CDH13: variants seen among roughly 807,000 people sequenced by gnomAD.
CDH13 encodes the protein cadherin 13.
A neutral mutation model predicts 63.8 loss-of-function variants in CDH13; 24 were observed. The observed-to-expected ratio is 0.38, with a 90% CI of 0.27 to 0.53. The LOEUF (loss-of-function observed/expected upper bound fraction) is 0.53. Ranked by LOEUF, CDH13 falls within the 20% of genes least tolerant of loss-of-function variation. The pLI, the probability that CDH13 is intolerant of heterozygous loss-of-function variation, is 0.85. For synonymous variants in CDH13, 503 were observed against 355.3 expected (o/e 1.42, Z -4.67); for missense variants, 1,049 against 903.1 (o/e 1.16, Z -2.07).
intron 7 of CDH13, among the ~76,000 whole-genome samples, chr16:83,531,036 G>C (rs1405391927): frequency 6.6e-6 from 1 of 152,170 alleles, no homozygotes; most frequent in Non-Finnish European, 1.5e-5. Flanking sequence ...TCATGGGATA[G>C]TTACGAGCAT....
chr16:82,751,269 C>T (rs753285473), intron 1 of CDH13, among the ~76,000 whole-genome samples: 9 of 152,088 alleles, frequency 5.9e-5, no homozygotes, highest in Non-Finnish European at 7.4e-5. Flanking sequence ...CCCATGCGTG[C>T]GAGTTAATGC....
At chr16:83,113,683 A>C (rs1161597136) in intron 3 of CDH13, among the ~76,000 whole-genome samples, 1 of 152,194 alleles carries the variant, frequency 6.6e-6, no homozygotes, top group Non-Finnish European at 1.5e-5. Flanking sequence ...GGAAGCCTAG[A>C]AGTGGTGCTT....
chr16:83,516,586 G>T (rs963304170), intron 7 of CDH13, among the ~76,000 whole-genome samples: 2 of 152,182 alleles, frequency 1.3e-5, no homozygotes, highest in African/African-American at 2.4e-5. Flanking sequence ...GGATTTTAAT[G>T]TGAGAGCTCC....
intron 2 of CDH13, among the ~76,000 whole-genome samples, chr16:83,013,730 T>G (rs1433872765): frequency 6.6e-6 from 1 of 152,172 alleles, no homozygotes; most frequent in Non-Finnish European, 1.5e-5. Flanking sequence ...ATTTATAAAA[T>G]ATCTGGTGAG....
chr16:82,963,635 G>A (rs1034247315), intron 2 of CDH13, among the ~76,000 whole-genome samples: 2 of 152,152 alleles, frequency 1.3e-5, no homozygotes, highest in Non-Finnish European at 2.9e-5. Context: ...CCATTAGGAA[G>A]TATGCTCCAT....
chr16:83,287,599 C>T (rs2089351184), intron 5 of CDH13, among the ~76,000 whole-genome samples: 2 of 152,158 alleles, frequency 1.3e-5, no homozygotes, highest in Admixed American at 1.3e-4. Context: ...CCCATCACCC[C>T]CGGATGGGTC....
chr16:83,372,760 A>C (rs2091394935), intron 6 of CDH13, among the ~76,000 whole-genome samples: 1 of 151,252 alleles, frequency 6.6e-6, no homozygotes, highest in Non-Finnish European at 1.5e-5. Flanking sequence ...AAAAAAAAAA[A>C]AAAAAAAAAA....
At chr16:82,932,514 A>G (rs2042532309) in intron 2 of CDH13, among the ~76,000 whole-genome samples, 1 of 152,222 alleles carries the variant, frequency 6.6e-6, no homozygotes, top group African/African-American at 2.4e-5. Context: ...TTGCTAAAGA[A>G]CTGGCAGAGC....
intron 6 of CDH13, among the ~76,000 whole-genome samples, chr16:83,371,449 T>G (rs1423110750): frequency 1.3e-5 from 2 of 152,218 alleles, no homozygotes; most frequent in African/African-American, 4.8e-5. Context: ...TTGGCATACT[T>G]ATACTTTCTG....
chr16:83,396,871 C>G (rs997483114), intron 6 of CDH13: 6 of 152,292 alleles, frequency 3.9e-5, no homozygotes, highest in Non-Finnish European at 8.8e-5. Context: ...CATGGTTTCA[C>G]ATTTTTAATT....
chr16:83,080,871 G>GGTTTTTTTTTTTTTTTTTTTTTTT (rs2033183201), intron 3 of CDH13, among the ~76,000 whole-genome samples: 2 of 46,928 alleles, frequency 4.3e-5, no homozygotes, highest in African/African-American at 1.9e-4. Context: ...TTGTTTTTGT[G>GGTTTTTTTTTTTTTTTTTTTTTTT]TTTTTTTTTT....
At chr16:83,108,442 C>T (rs564660670) in intron 3 of CDH13, among the ~76,000 whole-genome samples, 68 of 152,340 alleles carry the variant, frequency 4.5e-4, no homozygotes, top group African/African-American at 1.6e-3. Context: ...TAATAACTCT[C>T]AGCAAAGCGA....
intron 1 of CDH13, among the ~76,000 whole-genome samples, chr16:82,637,959 G>A (rs560257085): frequency 3.9e-5 from 6 of 152,256 alleles, no homozygotes; most frequent in South Asian, 4.1e-4. Flanking sequence ...CAGTTTTGTG[G>A]GAACAGCAGA....
rs944728837 is a variant in CDH13, at chr16:83,457,384, G to A, written c.782-29093G>A. 3.3e-5 allele frequency among the ~76,000 whole-genome samples: 5 copies of A among 152,126 alleles called. No homozygotes were observed. The South Asian group carries it at 6.2e-4, about 19-fold the overall frequency. ...AGGGTGGGCACTGAAGGGCTTTGAA[G>A]TCAGAAGGACATAGGATCTATTCTG... On this transcript the variant is annotated intron_variant, in intron 6 of 13. Transcript: ENST00000567109.
intron 2 of CDH13, among the ~76,000 whole-genome samples, chr16:82,864,390 A>G (rs890497223): frequency 5.9e-5 from 9 of 152,166 alleles, no homozygotes; most frequent in Non-Finnish European, 1.3e-4. Flanking sequence ...TACAGAAAAG[A>G]GGTTTAATTG....
At chr16:83,678,516 T>G (rs1915149342) in intron 10 of CDH13, 55 bp downstream of exon 10, 1 of 1,601,366 alleles carries the variant, frequency 6.2e-7, no homozygotes, top group East Asian at 2.2e-5. Flanking sequence ...TGGCTTTTCC[T>G]TTCCAGTCGC....
At chr16:83,789,735 T>C (rs561087755) in intron 13 of CDH13, among the ~76,000 whole-genome samples, 1 of 152,254 alleles carries the variant, frequency 6.6e-6, no homozygotes, top group South Asian at 2.1e-4. Context: ...GCTGGTAGAA[T>C]CTCTTTGATG....
At chr16:83,016,545 G>C (rs1914815185) in intron 2 of CDH13, among the ~76,000 whole-genome samples, 1 of 152,192 alleles carries the variant, frequency 6.6e-6, no homozygotes, top group Non-Finnish European at 1.5e-5. Context: ...AGGTGTGGAA[G>C]CTGGCCTTCT....
At chr16:82,762,371 T>C (rs1287772658) in intron 1 of CDH13, among the ~76,000 whole-genome samples, 2 of 152,238 alleles carry the variant, frequency 1.3e-5, no homozygotes, top group African/African-American at 2.4e-5. Flanking sequence ...GCACAAAATA[T>C]ACCTGTGATT....
Sources: allele counts gnomAD v4.1 joint callset (sites outside exome capture counted in the v4.1 genomes callset), GRCh38; gene constraint gnomAD v4.1.1; transcripts MANE v1.5; gene names NCBI Gene and HGNC (gene_info 2026-07-23, HGNC 2026-07-21).